DR1: variants seen among roughly 807,000 people sequenced by gnomAD.
The protein encoded by DR1 is protein Dr1.
A neutral mutation model predicts 19.9 loss-of-function variants in DR1; 7 were observed. The observed-to-expected ratio is 0.35, with a 90% CI of 0.20 to 0.66. DR1 has a LOEUF of 0.66. DR1 is among the 30% of genes least tolerant of loss of function. The probability of loss-of-function intolerance (pLI) is 0.66; values close to 1 mark genes in which losing one functional copy is unlikely to be tolerated. For synonymous variants in DR1, 76 were observed against 72.5 expected (o/e 1.05, Z -0.24); for missense variants, 98 against 203.7 (o/e 0.48, Z 3.16).
intron 1 of DR1, among the ~76,000 whole-genome samples, chr1:93,351,403 A>G (rs556818651): frequency 3.8e-4 from 56 of 148,624 alleles, no homozygotes; most frequent in Non-Finnish European, 6.7e-4. Context: ...CAAGCCCTCC[A>G]TGGTTAAAAA....
Position 93,362,264 on chromosome 1 carries a change from A to G in DR1, c.*1625A>G, listed in dbSNP as rs1667063897. The G allele has an allele frequency of 6.6e-6, 1 of 152,480 alleles. No homozygotes were observed. The highest frequency in any genetic ancestry group is 2.1e-4 in the South Asian group (1 of 4,828). 9.4% of individuals were successfully genotyped at this position (152,480 alleles called of 1,614,324 possible). A position where few individuals can be genotyped will look rare whatever the true frequency, so the allele number is the denominator to read the frequency against. On this transcript the variant is annotated 3_prime_UTR_variant, in exon 3 of 3. Transcript: ENST00000370272. ...CATGGATGTCATACCCATGAAGTGC[A>G]TTTGGATGAGATAGAAGAAATTGTT...
At chr1:93,350,078 A>G (rs1259786374) in intron 1 of DR1, among the ~76,000 whole-genome samples, 1 of 152,180 alleles carries the variant, frequency 6.6e-6, no homozygotes, top group Non-Finnish European at 1.5e-5. Context: ...AATTTATCAC[A>G]TAATCAAATG....
chr1:93,363,838 G>T lies in DR1; in HGVS notation c.*3199G>T, dbSNP rs1057143932. The T allele has an allele frequency of 1.5e-4, 23 of 152,300 alleles. No homozygotes were observed. Among genetic ancestry groups the T allele is most frequent in the Admixed American group, 1.3e-3 (20 of 15,300 alleles). 9.4% of individuals were successfully genotyped at this position (152,300 alleles called of 1,614,324 possible). A position where few individuals can be genotyped will look rare whatever the true frequency, so the allele number is the denominator to read the frequency against. Reference sequence around the variant, plus strand: ...TTGTAGTTCATTCATTCTCATTGCTGTATAGTCTTCCGTTTGTTTATCCAT... The same window carrying T: ...TTGTAGTTCATTCATTCTCATTGCTTTATAGTCTTCCGTTTGTTTATCCAT... On this transcript the variant is annotated 3_prime_UTR_variant, in exon 3 of 3. Coordinates refer to ENST00000370272, the MANE Select transcript of DR1 (RefSeq NM_001938.3).
At chr1:93,348,426 A>G (rs1666878543) in intron 1 of DR1, among the ~76,000 whole-genome samples, 1 of 152,144 alleles carries the variant, frequency 6.6e-6, no homozygotes, top group African/African-American at 2.4e-5. Flanking sequence ...TCTAATGAAA[A>G]TTGCAAAAGA....
chr1:93,345,923 G>C lies in DR1; in HGVS notation c.-723G>C, dbSNP rs1187006917. 1.3e-5 allele frequency: 2 copies of C among 152,580 alleles called. No homozygotes were observed. Among genetic ancestry groups the C allele is most frequent in the African/African-American group, 4.8e-5 (2 of 41,554 alleles). 9.5% of individuals were successfully genotyped at this position (152,580 alleles called of 1,614,324 possible). A position where few individuals can be genotyped will look rare whatever the true frequency, so the allele number is the denominator to read the frequency against. On this transcript the variant is annotated 5_prime_UTR_variant, in exon 1 of 3. Coordinates refer to ENST00000370272, the MANE Select transcript of DR1 (RefSeq NM_001938.3). ...TCCGGTGGCGCAAAGGGTGTCGGGA[G>C]CGGCTTCCTGCAAACCTTCCCTGGC...
rs1553198465 is a variant in DR1 at position 93,361,043 on chromosome 1, A to AGGC, written c.*406_*407insCGG. 6 of 147,978 alleles carry AGGC rather than the reference A, an allele frequency of 4.1e-5. No homozygotes were observed. The highest frequency in any genetic ancestry group is 2.0e-4 in the South Asian group (1 of 4,884). The allele number at this position is 147,978 out of a possible 1,614,324, so 9.2% of individuals were successfully genotyped here. A position where few individuals can be genotyped will look rare whatever the true frequency, so the allele number is the denominator to read the frequency against. On this transcript the variant is annotated 3_prime_UTR_variant, in exon 3 of 3. Coordinates refer to ENST00000370272, the MANE Select transcript of DR1 (RefSeq NM_001938.3). Reference sequence around the variant, plus strand: ...AAAACTTGTGAATTTTAAATTATTAAGGGGGGGGTGCTGTGTGAATCAGTA... The same window carrying AGGC: ...AAAACTTGTGAATTTTAAATTATTAAGGCGGGGGGGGTGCTGTGTGAATCAGTA...
At chr1:93,350,129 A>C (rs1002375660) in intron 1 of DR1, among the ~76,000 whole-genome samples, 3 of 152,170 alleles carry the variant, frequency 2.0e-5, no homozygotes, top group Non-Finnish European at 4.4e-5. Flanking sequence ...TCTTTAAATT[A>C]ATATATCTTT....
rs192038382 is a variant in DR1, at chr1:93,367,711, C to T, written c.*7072C>T. The T allele has an allele frequency of 2.0e-5, 3 of 152,358 alleles. No individual in the cohort carries two copies. Among genetic ancestry groups the T allele is most frequent in the African/African-American group, 7.2e-5 (3 of 41,570 alleles). The allele number at this position is 152,358 out of a possible 1,614,324, so 9.4% of individuals were successfully genotyped here. On this transcript the variant is annotated 3_prime_UTR_variant, in exon 3 of 3. Coordinates refer to ENST00000370272, the MANE Select transcript of DR1 (RefSeq NM_001938.3). The stretch of plus-strand genomic sequence containing the variant: ...CTGGTTGTAAATAATTGTTTTTCAT[C>T]AATGTTATAATGAAATTACAGGCCG...
At position 93,367,348 on chromosome 1, in the gene DR1, T is replaced by C. The variant is rs1370655170; in HGVS notation, c.*6709T>C. 2 of 152,138 alleles carry C rather than the reference T, an allele frequency of 1.3e-5. No homozygotes were observed. The highest frequency in any genetic ancestry group is 2.9e-5 in the Non-Finnish European group (2 of 68,036). The allele number at this position is 152,138 out of a possible 1,614,324, so 9.4% of individuals were successfully genotyped here. On this transcript the variant is annotated 3_prime_UTR_variant, in exon 3 of 3. Coordinates refer to ENST00000370272, the MANE Select transcript of DR1 (RefSeq NM_001938.3). ...GCTTGCTGAGTGCTTTCATACTGCA[T>C]CATTTATTGTGCATTTGTATGATTA...
intron 2 of DR1, chr1:93,355,312 T>C (rs1022069686): frequency 6.6e-5 from 10 of 152,158 alleles, no homozygotes; most frequent in Non-Finnish European, 8.8e-5. Context: ...CTTACTGAAG[T>C]CATTACTATT....
rs1666847419 is a variant in DR1, at chr1:93,346,687, C to G, written c.42C>G (p.Pro14=). 1 of 1,613,958 alleles carries G rather than the reference C, an allele frequency of 6.2e-7. No homozygotes were observed. Among genetic ancestry groups the G allele is most frequent in the African/African-American group, 1.3e-5 (1 of 74,890 alleles). Residue 14 remains proline (P), a synonymous_variant, in exon 1 of 3, where the codon CCC becomes CCG. Transcript: ENST00000370272. ...SSGNDDDLTI[P]RAAINKMIKE... ...GCAACGATGATGATCTCACTATCCC[C>G]AGAGCTGCTATCAATAAAATGATCA...
At position 93,364,329 on chromosome 1, in the gene DR1, A is replaced by C. The variant is rs2101642236; in HGVS notation, c.*3690A>C. On this transcript the variant is annotated 3_prime_UTR_variant, in exon 3 of 3. Coordinates refer to ENST00000370272, the MANE Select transcript of DR1 (RefSeq NM_001938.3). ...AAAAATGCAAATTTTAAGTAATCGT[A>C]AGTAGTATGTTGAATTAGTATGTTG... 6.6e-6 allele frequency: 1 copy of C among 152,300 alleles called. No homozygotes were observed. Among genetic ancestry groups the C allele is most frequent in the South Asian group, 2.1e-4 (1 of 4,824 alleles). The allele number at this position is 152,300 out of a possible 1,614,324, so 9.4% of individuals were successfully genotyped here.
chr1:93,356,653 T>TA (rs1666989361), intron 2 of DR1, among the ~76,000 whole-genome samples: 1 of 152,086 alleles, frequency 6.6e-6, no homozygotes, highest in Non-Finnish European at 1.5e-5. Context: ...GACCACAAAA[T>TA]ATAGGTATGC....
At position 93,346,282 on chromosome 1, in the gene DR1, C is replaced by T; in HGVS notation, c.-364C>T. The stretch of plus-strand genomic sequence containing the variant: ...CGAGGCCAGTGCCCCTGGATCTTGC[C>T]TCTGCTCCGACGCCGTTGGGGACCA... On this transcript the variant is annotated 5_prime_UTR_variant, in exon 1 of 3. Coordinates refer to ENST00000370272, the MANE Select transcript of DR1 (RefSeq NM_001938.3). 3.2e-6 allele frequency: 1 copy of T among 310,354 alleles called. No individual in the cohort carries two copies. The highest frequency in any genetic ancestry group is 2.9e-5 in the South Asian group (1 of 34,996). The allele number at this position is 310,354 out of a possible 1,614,324, so 19.2% of individuals were successfully genotyped here. A position where few individuals can be genotyped will look rare whatever the true frequency, so the allele number is the denominator to read the frequency against.
Position 93,368,807 on chromosome 1 carries a change from A to T in DR1, c.*8168A>T, listed in dbSNP as rs941511448. On this transcript the variant is annotated 3_prime_UTR_variant, in exon 3 of 3. Coordinates refer to ENST00000370272, the MANE Select transcript of DR1 (RefSeq NM_001938.3). Reference sequence around the variant, plus strand: ...GCAGTTGCCTTACACATATACTAGTAGCCCTTACAAAATTTCGTCTGTCTT... The same window carrying T: ...GCAGTTGCCTTACACATATACTAGTTGCCCTTACAAAATTTCGTCTGTCTT... 6.6e-6 allele frequency: 1 copy of T among 152,136 alleles called. No homozygotes were observed. The highest frequency in any genetic ancestry group is 2.4e-5 in the African/African-American group (1 of 41,424). 9.4% of individuals were successfully genotyped at this position (152,136 alleles called of 1,614,324 possible). A position where few individuals can be genotyped will look rare whatever the true frequency, so the allele number is the denominator to read the frequency against.
At position 93,364,962 on chromosome 1, in the gene DR1, T is replaced by G. The variant is rs1254969111; in HGVS notation, c.*4323T>G. The G allele has an allele frequency of 2.7e-5, 4 of 149,894 alleles. No individual in the cohort carries two copies. The highest frequency in any genetic ancestry group is 6.7e-5 in the Admixed American group (1 of 14,936). The allele number at this position is 149,894 out of a possible 1,614,324, so 9.3% of individuals were successfully genotyped here. A position where few individuals can be genotyped will look rare whatever the true frequency, so the allele number is the denominator to read the frequency against. On this transcript the variant is annotated 3_prime_UTR_variant, in exon 3 of 3. Transcript: ENST00000370272. ...TCCGCCTCCCGGGTTCACGCCATTCTCCTGCCTCAGCCTCCTGAGTAGCTG... is the reference window on the plus strand; with the variant it reads ...TCCGCCTCCCGGGTTCACGCCATTCGCCTGCCTCAGCCTCCTGAGTAGCTG...
At chr1:93,347,815 T>A (rs1264005560) in intron 1 of DR1, among the ~76,000 whole-genome samples, 1 of 152,148 alleles carries the variant, frequency 6.6e-6, no homozygotes, top group Non-Finnish European at 1.5e-5. Flanking sequence ...TTTTGCGATA[T>A]TTTTACATGT....
chr1:93,357,717 C>T (rs544828593), intron 2 of DR1, among the ~76,000 whole-genome samples: 1 of 151,918 alleles, frequency 6.6e-6, no homozygotes, highest in African/African-American at 2.4e-5. Flanking sequence ...CTTTATTAGT[C>T]TCTGATACTA....
At chr1:93,359,427 G>C (rs1305969680) in intron 2 of DR1, among the ~76,000 whole-genome samples, 2 of 152,168 alleles carry the variant, frequency 1.3e-5, no homozygotes, top group Non-Finnish European at 2.9e-5. Flanking sequence ...AAAGTGGATG[G>C]ATATGGGAAT....
Sources: gnomAD v4.1 joint callset for allele counts (sites outside exome capture counted in the v4.1 genomes callset) on GRCh38, gnomAD v4.1.1 for gene constraint, MANE v1.5 for transcripts, NCBI Gene and HGNC (gene_info 2026-07-23, HGNC 2026-07-21) for gene names.